The following PLA2G2D variants were observed in gnomAD, a reference collection of about 807,000 sequenced individuals.
The protein encoded by PLA2G2D is group IID secretory phospholipase A2.
PLA2G2D carries 17 observed loss-of-function variants against 13.9 expected under a neutral mutation model. The ratio of observed to expected loss-of-function variants is 1.23; its 90% CI spans 0.84 to 1.84. The LOEUF (loss-of-function observed/expected upper bound fraction) is 1.84. Among genes scored for constraint, PLA2G2D ranks in the 40% most tolerant of loss-of-function variants. The pLI, the probability that PLA2G2D is intolerant of heterozygous loss-of-function variation, is 0.00. For synonymous variants in PLA2G2D, 83 were observed against 69.3 expected, an observed-to-expected ratio of 1.20 and a Z score of -0.98; for missense variants, 194 against 178.7, an observed-to-expected ratio of 1.09 and a Z score of -0.49.
intron 3 of PLA2G2D, among the ~76,000 whole-genome samples, chr1:20,114,879 A>C (rs541221226): frequency 3.3e-5 from 5 of 152,312 alleles, no homozygotes; most frequent in African/African-American, 1.2e-4. Flanking sequence ...ATTATTATGA[A>C]GCCCTCAATT....
Position 20,114,099 on chromosome 1 carries a change from A to G in PLA2G2D, c.*15T>C, listed in dbSNP as rs2016935279. On this transcript the variant is annotated 3_prime_UTR_variant, in exon 4 of 4. Coordinates refer to ENST00000375105, the MANE Select transcript of PLA2G2D (RefSeq NM_012400.4). ...AGAGCTCCATGCTGAGGAACAGGGT[A>G]GAGGGTGTGGGCTTCTAGCACCCAG... is the stretch of plus-strand genomic sequence containing the variant. The G allele has an allele frequency of 6.2e-7, 1 of 1,610,438 alleles. No homozygotes were observed. The highest frequency in any genetic ancestry group is 1.7e-5 in the Admixed American group (1 of 59,846).
intron 1 of PLA2G2D, among the ~76,000 whole-genome samples, chr1:20,119,214 T>C (rs2017042518): frequency 6.6e-6 from 1 of 152,128 alleles, no homozygotes; most frequent in Admixed American, 6.6e-5. Context: ...GACTTCTAGT[T>C]TGAACTTTCA....
At chr1:20,119,001 A>G (rs747349692) in intron 1 of PLA2G2D, among the ~76,000 whole-genome samples, 2 of 152,222 alleles carry the variant, frequency 1.3e-5, no homozygotes, top group Non-Finnish European at 2.9e-5. Flanking sequence ...TCTGCTTAAG[A>G]TCAAATGGAA....
intron 3 of PLA2G2D, among the ~76,000 whole-genome samples, chr1:20,114,811 A>G (rs1034124861): frequency 6.6e-6 from 1 of 152,188 alleles, no homozygotes; most frequent in Non-Finnish European, 1.5e-5. Context: ...TTAAAGTAAC[A>G]AGACAAGGCA....
At position 20,113,836 on chromosome 1, in the gene PLA2G2D, T is replaced by A; in HGVS notation, c.*278A>T. 8.5e-6 allele frequency: 3 copies of A among 352,782 alleles called. No homozygotes were observed. Among genetic ancestry groups the A allele is most frequent in the Non-Finnish European group, 1.0e-5 (2 of 194,254 alleles). The allele number at this position is 352,782 out of a possible 1,614,324, so 21.9% of individuals were successfully genotyped here. On this transcript the variant is annotated 3_prime_UTR_variant, in exon 4 of 4. Transcript: ENST00000375105. Reference sequence around the variant, plus strand: ...CAGGTGGGGGACAGCGGCAGACCCCTCCCCCACCCCGATGCTTTGGTCCAA... The same window carrying A: ...CAGGTGGGGGACAGCGGCAGACCCCACCCCCACCCCGATGCTTTGGTCCAA...
chr1:20,115,384 T>A lies in PLA2G2D; in HGVS notation c.292+123A>T, dbSNP rs1569869777. The A allele has an allele frequency of 5.8e-6, 4 of 694,868 alleles. No homozygotes were observed. The East Asian group carries it at 1.0e-4, about 18-fold the overall frequency. 43.0% of individuals were successfully genotyped at this position (694,868 alleles called of 1,614,324 possible). A position where few individuals can be genotyped will look rare whatever the true frequency, so the allele number is the denominator to read the frequency against. ...CATTCTTGCCTCTTCACAGCCCAAC[T>A]GCAGCCAGTGGACCCATGCAAAAAA... is the stretch of plus-strand genomic sequence containing the variant. On this transcript the variant is annotated intron_variant, in intron 3 of 3. Coordinates refer to ENST00000375105, the MANE Select transcript of PLA2G2D (RefSeq NM_012400.4).
chr1:20,117,823 C>T (rs1012015720), intron 1 of PLA2G2D, among the ~76,000 whole-genome samples: 2 of 152,110 alleles, frequency 1.3e-5, no homozygotes, highest in Non-Finnish European at 2.9e-5. Context: ...GTGAGCCACA[C>T]ATTGGGGACC....
At position 20,116,041 on chromosome 1, in the gene PLA2G2D, A is replaced by AGG. The variant is rs369340199; in HGVS notation, c.185+290_185+291dup. Among the ~76,000 whole-genome samples, 1,069 of 152,132 alleles carry AGG rather than the reference A, an allele frequency of 7.0e-3. 7 individuals are homozygous for AGG. Among genetic ancestry groups the AGG allele is most frequent in the African/African-American group, 0.024 (995 of 41,474 alleles). ...AGATAACAGAAAAAAAGAGGTGGTG[A>AGG]GGGGGCTTTAAAAACCAACGTCCAT... On this transcript the variant is annotated intron_variant, in intron 2 of 3. Transcript: ENST00000375105.
At chr1:20,119,074 C>T (rs555622947) in intron 1 of PLA2G2D, among the ~76,000 whole-genome samples, 2 of 152,226 alleles carry the variant, frequency 1.3e-5, no homozygotes, top group East Asian at 3.9e-4. Context: ...AGATCATGAA[C>T]ATGAAACGGC....
intron 3 of PLA2G2D, 151 bp downstream of exon 3, chr1:20,115,356 A>G: frequency 1.6e-6 from 1 of 642,800 alleles, no homozygotes; most frequent in East Asian, 2.7e-5. Context: ...ATACCCCCAT[A>G]CCCATTCTTG....
chr1:20,114,346 G>T, intron 3 of PLA2G2D, 87 bp from the exon 4 acceptor site: 2 of 1,395,522 alleles, frequency 1.4e-6, no homozygotes, highest in African/African-American at 1.4e-5. Flanking sequence ...AGTCAGTGCA[G>T]TTCCTACTCA....
rs752401775 is a variant in PLA2G2D, at chr1:20,119,452, G to C, written c.40+7C>G. The C allele has an allele frequency of 1.2e-6, 2 of 1,612,894 alleles. No homozygotes were observed. The highest frequency in any genetic ancestry group is 3.3e-5 in the Admixed American group (2 of 60,020). ...CCTTCCCAGCCTGGGTCCCGTCCCC[G>C]ACTCACCAGCCATCACCACCAGCCC... On this transcript the variant is annotated splice_region_variant and intron_variant, in intron 1 of 3. Coordinates refer to ENST00000375105, the MANE Select transcript of PLA2G2D (RefSeq NM_012400.4).
chr1:20,118,452 T>C (rs2017030294), intron 1 of PLA2G2D, among the ~76,000 whole-genome samples: 1 of 152,172 alleles, frequency 6.6e-6, no homozygotes. Context: ...CGTTCTTGCC[T>C]GGGTAACTTT....
At chr1:20,116,550 C>G in intron 1 of PLA2G2D, 73 bp from the exon 2 acceptor site, 1 of 1,419,602 alleles carries the variant, frequency 7.0e-7, no homozygotes, top group Non-Finnish European at 9.9e-7. Flanking sequence ...CACAGGACGG[C>G]ACCTCTGCTC....
In PLA2G2D at chr1:20,112,714, C is replaced by T. The variant is rs1204130097; in HGVS notation, c.*1400G>A. ...GAAACCTGTGAGGGAACCAGGAAAA[C>T]TGGATAGGCCAAGGGGTCAGACCAA... On this transcript the variant is annotated 3_prime_UTR_variant, in exon 4 of 4. Coordinates refer to ENST00000375105, the MANE Select transcript of PLA2G2D (RefSeq NM_012400.4). The T allele has an allele frequency of 6.6e-6, 1 of 152,172 alleles. No homozygotes were observed. The highest frequency in any genetic ancestry group is 1.5e-5 in the Non-Finnish European group (1 of 68,048). 9.4% of individuals were successfully genotyped at this position (152,172 alleles called of 1,614,324 possible). A position where few individuals can be genotyped will look rare whatever the true frequency, so the allele number is the denominator to read the frequency against.
At chr1:20,115,725 CA>C in intron 2 of PLA2G2D, 112 bp from the exon 3 acceptor site, 1 of 728,214 alleles carries the variant, frequency 1.4e-6, no homozygotes, top group South Asian at 1.5e-5. Context: ...TCAAGGCCTG[CA>C]GGGCTGCAGT....
chr1:20,117,438 T>A (rs1312437586), intron 1 of PLA2G2D, among the ~76,000 whole-genome samples: 1 of 152,158 alleles, frequency 6.6e-6, no homozygotes, highest in Admixed American at 6.5e-5. Context: ...GTGTGGGTCT[T>A]CTGGGAGGCA....
chr1:20,112,820 C>G lies in PLA2G2D; in HGVS notation c.*1294G>C, dbSNP rs617180. Reference sequence around the variant, plus strand: ...GAGAGTGTCATTCAACCCAGACAATCCTGCACAGACACGGGGGAGCTGGCA... The same window carrying G: ...GAGAGTGTCATTCAACCCAGACAATGCTGCACAGACACGGGGGAGCTGGCA... On this transcript the variant is annotated 3_prime_UTR_variant, in exon 4 of 4. Coordinates refer to ENST00000375105, the MANE Select transcript of PLA2G2D (RefSeq NM_012400.4). 96,944 of 151,964 alleles carry G rather than the reference C, an allele frequency of 0.64. 32,438 individuals carry two copies. Among genetic ancestry groups the G allele is most frequent in the African/African-American group, 0.87 (36,127 of 41,476 alleles). 9.4% of individuals were successfully genotyped at this position (151,964 alleles called of 1,614,324 possible). A position where few individuals can be genotyped will look rare whatever the true frequency, so the allele number is the denominator to read the frequency against.
chr1:20,116,756 A>C (rs2016998618), intron 1 of PLA2G2D, among the ~76,000 whole-genome samples: 1 of 152,120 alleles, frequency 6.6e-6, no homozygotes, highest in African/African-American at 2.4e-5. Flanking sequence ...CAAGGTGGGC[A>C]GATTGCTTGA....
Sources: allele counts gnomAD v4.1 joint callset (sites outside exome capture counted in the v4.1 genomes callset), GRCh38; gene constraint gnomAD v4.1.1; transcripts MANE v1.5; gene names NCBI Gene and HGNC (gene_info 2026-07-23, HGNC 2026-07-21).